Variants in IST1 observed in about 807,000 individuals in gnomAD.
IST1 encodes the protein IST1 homolog.
IST1 carries 23 observed loss-of-function variants against 37.0 expected under a neutral mutation model. That is an observed-to-expected ratio of 0.62 (90% CI 0.45 to 0.88). The LOEUF (loss-of-function observed/expected upper bound fraction) is 0.88. IST1 is among the 40% of genes least tolerant of loss of function. The pLI, the probability that IST1 is intolerant of heterozygous loss-of-function variation, is 0.00. For missense variants in IST1, 488 were observed against 445.4 expected (o/e 1.10, Z -0.86); for synonymous variants, 180 against 161.7 (o/e 1.11, Z -0.86).
chr16:71,924,708 ACC>A, intron 8 of IST1, 59 bp from the exon 9 acceptor site: 1 of 1,286,264 alleles, frequency 7.8e-7, no homozygotes, highest in South Asian at 1.2e-5. Context: ...AGGGGCTTAC[ACC>A]AGTACTTTCT....
At chr16:71,923,717 C>G (rs1463853245) in intron 8 of IST1, among the ~76,000 whole-genome samples, 2 of 152,108 alleles carry the variant, frequency 1.3e-5, no homozygotes, top group African/African-American at 2.4e-5. Flanking sequence ...AATCGTGGTG[C>G]TAAAGTATCA....
intron 1 of IST1, among the ~76,000 whole-genome samples, chr16:71,902,573 A>T (rs973945091): frequency 7.9e-5 from 12 of 152,168 alleles, no homozygotes; most frequent in African/African-American, 2.9e-4. Context: ...CCCAGCCTAG[A>T]TTCAATTTTT....
chr16:71,921,502 T>A, intron 6 of IST1, 49 bp downstream of exon 6: 1 of 1,071,042 alleles, frequency 9.3e-7, no homozygotes. Flanking sequence ...AGGTATGACC[T>A]TCTTTGGAAA....
Position 71,929,625 on chromosome 16 carries a change from T to C in IST1, c.*1812T>C, listed in dbSNP as rs1297835220. Reference sequence around the variant, plus strand: ...ATGAGGTTTTTTGGGGCCAACTGATTCCTAACAAATTTGAGAGCTTCTGTA... The same window carrying C: ...ATGAGGTTTTTTGGGGCCAACTGATCCCTAACAAATTTGAGAGCTTCTGTA... On this transcript the variant is annotated 3_prime_UTR_variant, in exon 10 of 10. Coordinates refer to ENST00000378799, the MANE Select transcript of IST1 (RefSeq NM_001270975.2). 6.4e-7 allele frequency: 1 copy of C among 1,551,768 alleles called. No homozygotes were observed. Among genetic ancestry groups the C allele is most frequent in the Non-Finnish European group, 8.7e-7 (1 of 1,146,878 alleles).
intron 1 of IST1, among the ~76,000 whole-genome samples, chr16:71,899,185 T>C (rs1258505654): frequency 6.6e-6 from 1 of 152,192 alleles, no homozygotes; most frequent in Non-Finnish European, 1.5e-5. Flanking sequence ...ACAGTTTTTT[T>C]TTTAAATTAA....
chr16:71,928,016 GCC>G lies in IST1; in HGVS notation c.*204_*205del. 5 of 549,310 alleles carry G rather than the reference GCC, an allele frequency of 9.1e-6. No homozygotes were observed. The highest frequency in any genetic ancestry group is 1.6e-5 in the Non-Finnish European group (5 of 305,928). The allele number at this position is 549,310 out of a possible 1,614,324, so 34.0% of individuals were successfully genotyped here. A position where few individuals can be genotyped will look rare whatever the true frequency, so the allele number is the denominator to read the frequency against. On this transcript the variant is annotated 3_prime_UTR_variant, in exon 10 of 10. Transcript: ENST00000378799. ...CTGAGACTAACAATTGGAGACTGAG[GCC>G]AGAGCAACTGGCTCCTGGCAGCTGT...
intron 1 of IST1, among the ~76,000 whole-genome samples, chr16:71,906,959 G>C (rs2037237643): frequency 6.6e-6 from 1 of 152,118 alleles, no homozygotes; most frequent in Non-Finnish European, 1.5e-5. Context: ...GAACCTGGAA[G>C]GCAGAAGTTG....
At chr16:71,920,862 GAGC>G (rs2037563217) in intron 5 of IST1, 40 bp downstream of exon 5, 1 of 1,437,844 alleles carries the variant, frequency 7.0e-7, no homozygotes, top group African/African-American at 1.4e-5. Context: ...CAGTGTGTGG[GAGC>G]AGTTTATTGT....
intron 1 of IST1, among the ~76,000 whole-genome samples, chr16:71,901,205 GT>G (rs1166947950): frequency 6.6e-6 from 1 of 152,016 alleles, no homozygotes; most frequent in Non-Finnish European, 1.5e-5. Context: ...AATTAAGTCA[GT>G]CTTTTGGTTT....
At chr16:71,897,918 C>CA (rs1471634950) in intron 1 of IST1, among the ~76,000 whole-genome samples, 1 of 152,128 alleles carries the variant, frequency 6.6e-6, no homozygotes, top group Non-Finnish European at 1.5e-5. Flanking sequence ...CACTGCACTC[C>CA]AGCCTGGGCG....
chr16:71,924,607 A>G (rs1475267381), intron 8 of IST1, 162 bp from the exon 9 acceptor site: 5 of 640,650 alleles, frequency 7.8e-6, no homozygotes, highest in South Asian at 1.8e-5. Flanking sequence ...GGAGTTCAAC[A>G]TAGTATCTAC....
Position 71,930,222 on chromosome 16 carries a change from T to G in IST1, c.*2409T>G. Reference sequence around the variant, plus strand: ...AAGAACACTTGCAGTGACTGACAATTTAGTTTATACTTTACAAACATAAGC... The same window carrying G: ...AAGAACACTTGCAGTGACTGACAATGTAGTTTATACTTTACAAACATAAGC... On this transcript the variant is annotated 3_prime_UTR_variant, in exon 10 of 10. Coordinates refer to ENST00000378799, the MANE Select transcript of IST1 (RefSeq NM_001270975.2). 2 of 1,513,622 alleles carry G rather than the reference T, an allele frequency of 1.3e-6. No homozygotes were observed. The highest frequency in any genetic ancestry group is 1.8e-6 in the Non-Finnish European group (2 of 1,128,604). The allele number at this position is 1,513,622 out of a possible 1,614,324, so 93.8% of individuals were successfully genotyped here. A position where few individuals can be genotyped will look rare whatever the true frequency, so the allele number is the denominator to read the frequency against.
At chr16:71,917,545 A>G (rs2037491230) in intron 4 of IST1, among the ~76,000 whole-genome samples, 1 of 152,242 alleles carries the variant, frequency 6.6e-6, no homozygotes, top group African/African-American at 2.4e-5. Context: ...GGTGAACAAA[A>G]TATGGCACCA....
At chr16:71,904,511 T>C (rs540383656) in intron 1 of IST1, among the ~76,000 whole-genome samples, 76 of 152,316 alleles carry the variant, frequency 5.0e-4, no homozygotes, top group African/African-American at 1.7e-3. Context: ...CTCCTGGGCT[T>C]AAGCAGTTCT....
chr16:71,915,273 ATATCTAGGTAT>A (rs1401339566), intron 1 of IST1, among the ~76,000 whole-genome samples: 1 of 152,056 alleles, frequency 6.6e-6, no homozygotes, highest in African/African-American at 2.4e-5. Context: ...CCCCATGCCA[ATATCTAGGTAT>A]TAATTTCATC....
chr16:71,901,289 C>G (rs2037102501), intron 1 of IST1, among the ~76,000 whole-genome samples: 1 of 152,138 alleles, frequency 6.6e-6, no homozygotes, highest in Admixed American at 6.6e-5. Context: ...TCTCGGCTCA[C>G]TGCAAGCTCC....
Position 71,922,677 on chromosome 16 carries a change from A to T in IST1, c.756A>T (p.Gly252=). 1 of 1,571,186 alleles carries T rather than the reference A, an allele frequency of 6.4e-7. No homozygotes were observed. The highest frequency in any genetic ancestry group is 1.1e-5 in the South Asian group (1 of 88,302). The change falls in exon 7 of 10, where the codon GGA becomes GGT. Residue 252 remains glycine (G), a synonymous_variant. Coordinates refer to ENST00000378799, the MANE Select transcript of IST1 (RefSeq NM_001270975.2). ...NTPFSYPLPK[G]PSDFNGLPMG... The stretch of plus-strand genomic sequence containing the variant: ...CTTTCTCATATCCACTGCCAAAGGG[A>T]CCAGTAAGTATATATAAGTGTGGAT...
intron 1 of IST1, among the ~76,000 whole-genome samples, chr16:71,902,817 T>A (rs960418564): frequency 1.3e-5 from 2 of 152,192 alleles, no homozygotes; most frequent in African/African-American, 4.8e-5. Context: ...TATATAGGTA[T>A]GTCAGTTTTT....
At chr16:71,916,723 A>G (rs962526531) in intron 3 of IST1, 81 bp downstream of exon 3, 1 of 1,174,634 alleles carries the variant, frequency 8.5e-7, no homozygotes, top group African/African-American at 1.5e-5. Context: ...GCATTAAGGG[A>G]CTATTTCACA....
Sources: allele counts gnomAD v4.1 joint callset (sites outside exome capture counted in the v4.1 genomes callset), GRCh38; gene constraint gnomAD v4.1.1; transcripts MANE v1.5; gene names NCBI Gene and HGNC (gene_info 2026-07-23, HGNC 2026-07-21).